BAHCC1: variants seen among roughly 807,000 people sequenced by gnomAD.
BAHCC1 encodes the protein BAH domain and coiled-coil containing 1.
BAHCC1 carries 43 observed loss-of-function variants against 88.2 expected under a neutral mutation model. The observed-to-expected ratio is 0.49, with a 90% confidence interval of 0.38 to 0.63. BAHCC1 has a LOEUF of 0.63. BAHCC1 is among the 20% of genes least tolerant of loss of function. The pLI is 0.00. For synonymous variants in BAHCC1, 1,510 were observed against 745.5 expected, an observed-to-expected ratio of 2.03 and a Z score of -16.71; for missense variants, 3,023 against 1,654.8, an observed-to-expected ratio of 1.83 and a Z score of -14.34.
In BAHCC1 at chr17:81,449,910, C is replaced by T. The variant is rs367801534; in HGVS notation, c.3977-1758C>T. On this transcript the variant is annotated intron_variant, in intron 11 of 27. Transcript: ENST00000675386. ...CCATACTTGAGGAGGGAAGCAGCCA[C>T]GCACCATGGAGTGCCCCAGCCTGGG... Among the ~76,000 whole-genome samples, 22 of 152,284 alleles carry T rather than the reference C, an allele frequency of 1.4e-4. No homozygotes were observed. In the East Asian group the frequency reaches 2.3e-3, roughly 16 times the overall value.
chr17:81,444,134 T>C (rs1205102498), intron 6 of BAHCC1: 37 of 602,136 alleles, frequency 6.1e-5, no homozygotes, highest in Non-Finnish European at 1.0e-4. Flanking sequence ...GTTACCCACT[T>C]TCAGGGGCCA....
At chr17:81,401,305 C>G (rs1385418617) in intron 2 of BAHCC1, 1 of 152,704 alleles carries the variant, frequency 6.5e-6, no homozygotes, top group Non-Finnish European at 1.5e-5. Flanking sequence ...CAGCACTTCC[C>G]GGGTTGGCCC....
chr17:81,462,515 C>G, intron 26 of BAHCC1: 1 of 569,356 alleles, frequency 1.8e-6, no homozygotes, highest in Non-Finnish European at 3.1e-6. Flanking sequence ...GTCCAGACGT[C>G]ATGATTCCAT....
rs574169965 is a variant in BAHCC1 at position 81,461,184 on chromosome 17, C to T, written c.6521C>T (p.Pro2174Leu). ...GCGCCCTTCGTCGGGGGGACCGGGC[C>T]GGGCCTCCCCAGGGGAGCCCACAAG... The part of the protein sequence containing the change: ...SYAPFVGGTG[P>L]GLPRGAHKLL... Residue 2174 changes from proline to leucine, a missense_variant, in exon 26 of 28, where the codon CCG becomes CTG. Transcript: ENST00000675386. 2.1e-4 allele frequency: 153 copies of T among 744,752 alleles called. No individual in the cohort carries two copies. The highest frequency in any genetic ancestry group is 4.5e-4 in the Middle Eastern group (2 of 4,404). 46.1% of individuals were successfully genotyped at this position (744,752 alleles called of 1,614,324 possible).
intron 12 of BAHCC1, 46 bp from the exon 13 acceptor site, chr17:81,451,925 C>A: frequency 1.5e-6 from 1 of 645,774 alleles, no homozygotes; most frequent in South Asian, 1.7e-5. Context: ...AGAGCCCCAG[C>A]CTGGGCCCTG....
intron 14 of BAHCC1, among the ~76,000 whole-genome samples, chr17:81,453,461 A>G (rs1470822237): frequency 4.6e-5 from 7 of 152,230 alleles, no homozygotes; most frequent in African/African-American, 1.7e-4. Context: ...TCGGCACTAA[A>G]TGGTTCCTTC....
rs1555645428 is a variant in BAHCC1 at position 81,399,152 on chromosome 17, T to TGTGTGTGC, written c.-206-381_-206-380insTGTGTGCG. 9 of 367,392 alleles carry TGTGTGTGC rather than the reference T, an allele frequency of 2.4e-5. No homozygotes were observed. Among genetic ancestry groups the TGTGTGTGC allele is most frequent in the East Asian group, 1.2e-4 (1 of 8,028 alleles). 22.8% of individuals were successfully genotyped at this position (367,392 alleles called of 1,614,324 possible). On this transcript the variant is annotated intron_variant, in intron 1 of 27. Coordinates refer to ENST00000675386, the MANE Select transcript of BAHCC1 (RefSeq NM_001377448.1). This position sits in a 1 kb window ranked among gnomAD's most constrained non-coding sequence, Gnocchi z 4.5. ...GAGTGTGTGTGTGTGTGTGTGTGTGTGCGAGTGTGCGTGATGGCTTCGCAG... is the reference window on the plus strand; with the variant it reads ...GAGTGTGTGTGTGTGTGTGTGTGTGTGTGTGTGCGCGAGTGTGCGTGATGGCTTCGCAG...
chr17:81,455,890 C>T (rs927471321), intron 15 of BAHCC1, among the ~76,000 whole-genome samples: 18 of 152,196 alleles, frequency 1.2e-4, no homozygotes, highest in Non-Finnish European at 1.5e-5. Flanking sequence ...TGCCCCTCCT[C>T]TCTCCGTGGC....
rs1432777031 is a variant in BAHCC1, at chr17:81,451,682, G to A, written c.3991G>A (p.Val1331Met). The change falls in exon 12 of 28, where the codon GTG becomes ATG. Residue 1331 changes from valine to methionine, a missense_variant. Transcript: ENST00000675386. ...ERTVPEEEED[V>M]LAFNLQHLAT... is the part of the protein sequence containing the mutation. ...ATGCCGCACAGAGGAGGAAGAGGAC[G>A]TGCTAGCCTTCAACCTGCAGCACCT... The A allele has an allele frequency of 1.0e-5, 8 of 776,450 alleles. No homozygotes were observed. Among genetic ancestry groups the A allele is most frequent in the East Asian group, 2.4e-5 (1 of 41,248 alleles). The allele number at this position is 776,450 out of a possible 1,614,324, so 48.1% of individuals were successfully genotyped here.
At chr17:81,463,524 G>A in intron 27 of BAHCC1, 87 bp from the exon 28 acceptor site, 1 of 745,456 alleles carries the variant, frequency 1.3e-6, no homozygotes, top group Non-Finnish European at 2.5e-6. Flanking sequence ...CCCTTACAGA[G>A]CATGGGTGGG....
intron 26 of BAHCC1, chr17:81,462,438 G>T: frequency 2.0e-6 from 1 of 507,994 alleles, no homozygotes. Context: ...CCACTCGTGG[G>T]TCTTTTGCCT....
At chr17:81,454,720 T>G (rs2064714665) in intron 14 of BAHCC1, among the ~76,000 whole-genome samples, 1 of 152,126 alleles carries the variant, frequency 6.6e-6, no homozygotes, top group Non-Finnish European at 1.5e-5. Flanking sequence ...GGGCCCGGCC[T>G]GCATAAGCCC....
rs1214727366 is a variant in BAHCC1, at chr17:81,418,985, TGA to T, written c.179-7813_179-7812del. 2.6e-5 allele frequency among the ~76,000 whole-genome samples: 4 copies of T among 152,096 alleles called. No homozygotes were observed. The East Asian group carries it at 7.7e-4, about 29-fold the overall frequency. On this transcript the variant is annotated intron_variant, in intron 2 of 27. Transcript: ENST00000675386. Reference sequence around the variant, plus strand: ...GTGCAAGTGTGAGTGTGTGCAAGTGTGAGTGTGTGCAAGTGTGAGGTGCACCC... The same window carrying T: ...GTGCAAGTGTGAGTGTGTGCAAGTGTGTGTGTGCAAGTGTGAGGTGCACCC...
rs150935315 is a variant in BAHCC1 at position 81,421,827 on chromosome 17, G to C, written c.179-4973G>C. ...AGCAAGAGGCCACCCCAGTCCCTTGGGGGGGATGGTAGGGTCTCTCATGGT... is the reference window on the plus strand; with the variant it reads ...AGCAAGAGGCCACCCCAGTCCCTTGCGGGGGATGGTAGGGTCTCTCATGGT... On this transcript the variant is annotated intron_variant, in intron 2 of 27. Transcript: ENST00000675386. 58 of 208,486 alleles carry C rather than the reference G, an allele frequency of 2.8e-4. No individual in the cohort carries two copies. The East Asian group carries it at 4.4e-3, about 16-fold the overall frequency. 12.9% of individuals were successfully genotyped at this position (208,486 alleles called of 1,614,324 possible). A position where few individuals can be genotyped will look rare whatever the true frequency, so the allele number is the denominator to read the frequency against.
chr17:81,444,943 G>A (rs2064495362), intron 8 of BAHCC1, 72 bp from the exon 9 acceptor site: 1 of 683,892 alleles, frequency 1.5e-6, no homozygotes, highest in African/African-American at 1.8e-5. Context: ...GCTGAGGAAA[G>A]GGTGGCGGGG....
rs370738699 is a variant in BAHCC1, at chr17:81,455,986, T to C, written c.4570-311T>C. On this transcript the variant is annotated intron_variant, in intron 15 of 27. Coordinates refer to ENST00000675386, the MANE Select transcript of BAHCC1 (RefSeq NM_001377448.1). Reference sequence around the variant, plus strand: ...ATCCTTCTGCCCAGATGCTGTTTTATCCCTCCCTTTAGAAAAGCTAACAGC... The same window carrying C: ...ATCCTTCTGCCCAGATGCTGTTTTACCCCTCCCTTTAGAAAAGCTAACAGC... Among the ~76,000 whole-genome samples the C allele has an allele frequency of 2.2e-4, 34 of 152,250 alleles. No individual in the cohort carries two copies. In the South Asian group the frequency reaches 7.1e-3, roughly 32 times the overall value.
chr17:81,462,663 C>T (rs1555659822), intron 26 of BAHCC1, 77 bp from the exon 27 acceptor site: 4 of 689,742 alleles, frequency 5.8e-6, no homozygotes, highest in East Asian at 2.5e-5. Context: ...CACACCACAC[C>T]CTCCATGCCT....
At position 81,445,164 on chromosome 17, in the gene BAHCC1, G is replaced by A. The variant is rs1233134361; in HGVS notation, c.2821G>A (p.Ala941Thr). 2 of 770,402 alleles carry A rather than the reference G, an allele frequency of 2.6e-6. No homozygotes were observed. Among genetic ancestry groups the A allele is most frequent in the Non-Finnish European group, 4.8e-6 (2 of 414,456 alleles). The allele number at this position is 770,402 out of a possible 1,614,324, so 47.7% of individuals were successfully genotyped here. Residue 941 changes from alanine to threonine, a missense_variant, in exon 9 of 28, where the codon GCC (alanine) becomes ACC (threonine). Coordinates refer to ENST00000675386, the MANE Select transcript of BAHCC1 (RefSeq NM_001377448.1). ...QELYALQQQRAAQFQRKPEDQ... is the reference protein window; with the variant it reads ...QELYALQQQRTAQFQRKPEDQ... ...GCTCTATGCTTTGCAGCAGCAGAGG[G>A]CCGCCCAGTTCCAGGTACCGCCCCT... is the stretch of plus-strand genomic sequence containing the variant.
intron 11 of BAHCC1, among the ~76,000 whole-genome samples, chr17:81,448,221 A>G (rs1367927068): frequency 6.6e-6 from 1 of 152,262 alleles, no homozygotes; most frequent in Non-Finnish European, 1.5e-5. Flanking sequence ...CCACCTCCTC[A>G]GCCTCCACGG....
Sources: allele counts gnomAD v4.1 joint callset (sites outside exome capture counted in the v4.1 genomes callset), GRCh38; gene constraint gnomAD v4.1.1; non-coding constraint Gnocchi (gnomAD v3.1); transcripts MANE v1.5; gene names NCBI Gene and HGNC (gene_info 2026-07-23, HGNC 2026-07-21).